Variants in IGDCC3 observed in about 807,000 individuals in gnomAD.
The protein encoded by IGDCC3 is immunoglobulin superfamily DCC subclass member 3.
A neutral mutation model predicts 72.0 loss-of-function variants in IGDCC3; 47 were observed. That is an observed-to-expected ratio of 0.65 (90% CI 0.52 to 0.83). The LOEUF (loss-of-function observed/expected upper bound fraction) is 0.83, where lower values mean the gene tolerates loss of function less well. Ranked by LOEUF, IGDCC3 falls within the 40% of genes least tolerant of loss-of-function variation. The probability of loss-of-function intolerance (pLI) is 0.00; values close to 1 mark genes in which losing one functional copy is unlikely to be tolerated. For synonymous variants in IGDCC3, 477 were observed against 472.8 expected (o/e 1.01, Z -0.11); for missense variants, 1,038 against 1,091.3 (o/e 0.95, Z 0.69).
intron 2 of IGDCC3, among the ~76,000 whole-genome samples, chr15:65,349,094 G>A (rs1409965929): frequency 2.0e-5 from 3 of 152,134 alleles, no homozygotes; most frequent in East Asian, 1.9e-4. Context: ...TACTCAGGGC[G>A]ACCATCTTGT....
intron 2 of IGDCC3, among the ~76,000 whole-genome samples, chr15:65,348,581 A>G (rs1384281490): frequency 6.6e-6 from 1 of 152,118 alleles, no homozygotes; most frequent in Non-Finnish European, 1.5e-5. Context: ...AAAGAATGGG[A>G]TGGGGTTAGT....
rs780104669 is a variant in IGDCC3 at position 65,335,383 on chromosome 15, C to T, written c.593G>A (p.Gly198Glu). The stretch of plus-strand genomic sequence containing the variant: ...GATGCCACCGTCCTCAGCTCGAAGT[C>T]CTGTGATCTGCAGGACCCCCTTGGG... Reference protein sequence around the residue: ...LLPKGVLQITGLRAEDGGIFH... With the variant: ...LLPKGVLQITELRAEDGGIFH... The change falls in exon 4 of 14, where the codon GGA becomes GAA. Residue 198 changes from glycine (G) to glutamate (E), a missense_variant. Gly to Glu is a moderately conservative substitution (Grantham distance 98). Transcript: ENST00000327987. The T allele has an allele frequency of 1.1e-5, 18 of 1,613,718 alleles. No individual in the cohort carries two copies. Among genetic ancestry groups the T allele is most frequent in the Non-Finnish European group, 1.5e-5 (18 of 1,179,832 alleles).
chr15:65,333,533 T>C, intron 5 of IGDCC3, 118 bp from the exon 6 acceptor site: 1 of 946,674 alleles, frequency 1.1e-6, no homozygotes, highest in Non-Finnish European at 1.5e-6. Context: ...GCCCCAGTCT[T>C]TGACTCTGCC....
chr15:65,343,508 T>G (rs2091100221), intron 2 of IGDCC3, among the ~76,000 whole-genome samples: 1 of 152,088 alleles, frequency 6.6e-6, no homozygotes. Flanking sequence ...AGACAAGCTG[T>G]CAGTTGGAAG....
chr15:65,333,356 A>T lies in IGDCC3; in HGVS notation c.883T>A (p.Ser295Thr). ...QVLGTGNLII[S>T]DVTVQHSGVY... ...CCAGAGTGCTGGACCGTCACGTCTG[A>T]GATGATGAGGTTTCCTGTGCCCAGC... Residue 295 changes from serine (S) to threonine (T), a missense_variant, in exon 6 of 14, where the codon TCA becomes ACA. Transcript: ENST00000327987. 1 of 1,612,456 alleles carries T rather than the reference A, an allele frequency of 6.2e-7. No individual in the cohort carries two copies. Among genetic ancestry groups the T allele is most frequent in the Non-Finnish European group, 8.5e-7 (1 of 1,179,288 alleles).
chr15:65,347,519 AG>A lies in IGDCC3; in HGVS notation c.410-11564del, dbSNP rs530434444. ...CCAGAGAAACTCCATCTTAAACACG[AG>A]TTGGGTGAAATGAGGCTGAAATCTA... On this transcript the variant is annotated intron_variant, in intron 2 of 13. Transcript: ENST00000327987. 2.1e-4 allele frequency among the ~76,000 whole-genome samples: 32 copies of A among 152,308 alleles called. 1 individual carries two copies. In the South Asian group the frequency reaches 6.4e-3, roughly 31 times the overall value.
rs1191224850 is a variant in IGDCC3 at position 65,328,332 on chromosome 15, T to C, written c.*577A>G. 1 of 75,888 alleles carries C rather than the reference T, an allele frequency of 1.3e-5. No individual in the cohort carries two copies. The highest frequency in any genetic ancestry group is 2.5e-5 in the Non-Finnish European group (1 of 39,654). The allele number at this position is 75,888 out of a possible 1,614,324, so 4.7% of individuals were successfully genotyped here. A position where few individuals can be genotyped will look rare whatever the true frequency, so the allele number is the denominator to read the frequency against. On this transcript the variant is annotated 3_prime_UTR_variant, in exon 14 of 14. Transcript: ENST00000327987. ...TTTTTTTTTTTACTCTGGACAACAG[T>C]GTGGGAAGGGAGAGGGGGTCCCCAG...
chr15:65,329,332 T>A lies in IGDCC3; in HGVS notation c.2205+58A>T. The A allele has an allele frequency of 2.0e-6, 3 of 1,522,360 alleles. No homozygotes were observed. Among genetic ancestry groups the A allele is most frequent in the Non-Finnish European group, 2.7e-6 (3 of 1,123,824 alleles). 94.3% of individuals were successfully genotyped at this position (1,522,360 alleles called of 1,614,324 possible). On this transcript the variant is annotated intron_variant, in intron 13 of 13. Transcript: ENST00000327987. This position sits in a 1 kb window ranked among gnomAD's most constrained non-coding sequence, Gnocchi z 4.1. ...TGGCCAAGGTGAAGGGGGGCAGGAT[T>A]GGAAGGTGGCAGTGTCAGAGCCTGA...
chr15:65,330,532 G>A lies in IGDCC3; in HGVS notation c.1753+18C>T, dbSNP rs145007058. 53 of 1,611,110 alleles carry A rather than the reference G, an allele frequency of 3.3e-5. No homozygotes were observed. The highest frequency in any genetic ancestry group is 6.7e-5 in the Admixed American group (4 of 59,984). On this transcript the variant is annotated intron_variant, in intron 10 of 13. Coordinates refer to ENST00000327987, the MANE Select transcript of IGDCC3 (RefSeq NM_004884.4). ...CACTCTGCCAAGCCCCCTAGGCTCT[G>A]GGCTGTGTCTGCCTCACCGAGCTGG...
rs1377535488 is a variant in IGDCC3, at chr15:65,339,699, T to C, written c.410-3743A>G. Among the ~76,000 whole-genome samples, 3 of 152,230 alleles carry C rather than the reference T, an allele frequency of 2.0e-5. No homozygotes were observed. The highest frequency in any genetic ancestry group is 1.5e-5 in the Non-Finnish European group (1 of 68,052). On this transcript the variant is annotated intron_variant, in intron 2 of 13. Transcript: ENST00000327987. This position sits in a 1 kb window ranked among gnomAD's most constrained non-coding sequence, Gnocchi z 4.1. Reference sequence around the variant, plus strand: ...GTCACCCTGCAGGCCACTGTGTTGCTGATGACAGTACAGACCAGCTAGTGT... The same window carrying C: ...GTCACCCTGCAGGCCACTGTGTTGCCGATGACAGTACAGACCAGCTAGTGT...
chr15:65,363,876 G>A (rs2091275324), intron 2 of IGDCC3, among the ~76,000 whole-genome samples: 1 of 152,172 alleles, frequency 6.6e-6, no homozygotes, highest in Admixed American at 6.5e-5. Flanking sequence ...TCTACCTCCA[G>A]CAGCCCCAGC....
Position 65,330,357 on chromosome 15 carries a change from G to A in IGDCC3, c.1794C>T (p.Asn598=). ...AVYEVKLLAY[N]QHGDGNATVR... ...CTGTGGCATTGCCATCTCCATGCTGGTTGTAGGCGAGCAGCTTCACCTCAT... is the reference window on the plus strand; with the variant it reads ...CTGTGGCATTGCCATCTCCATGCTGATTGTAGGCGAGCAGCTTCACCTCAT... The change falls in exon 11 of 14, where the codon AAC becomes AAT. Residue 598 remains asparagine, a synonymous_variant. Coordinates refer to ENST00000327987, the MANE Select transcript of IGDCC3 (RefSeq NM_004884.4). 6.8e-6 allele frequency: 11 copies of A among 1,614,084 alleles called. No individual in the cohort carries two copies. Among genetic ancestry groups the A allele is most frequent in the Non-Finnish European group, 9.3e-6 (11 of 1,179,978 alleles).
intron 6 of IGDCC3, 66 bp from the exon 7 acceptor site, chr15:65,332,172 G>A (rs2090984296): frequency 6.5e-7 from 1 of 1,540,706 alleles, no homozygotes; most frequent in African/African-American, 1.3e-5. Flanking sequence ...CATGAGGAAG[G>A]GAACAGGGGA....
At chr15:65,371,527 T>A (rs1346902749) in intron 2 of IGDCC3, among the ~76,000 whole-genome samples, 1 of 152,202 alleles carries the variant, frequency 6.6e-6, no homozygotes, top group Non-Finnish European at 1.5e-5. Context: ...CCAGCTGTAT[T>A]GGCATTACCT....
chr15:65,346,427 G>A (rs998336954), intron 2 of IGDCC3, among the ~76,000 whole-genome samples: 7 of 151,582 alleles, frequency 4.6e-5, no homozygotes, highest in Non-Finnish European at 4.4e-5. Context: ...TGCTAGTGGC[G>A]TCCATGGAGT....
chr15:65,351,532 T>TC (rs2091173618), intron 2 of IGDCC3, among the ~76,000 whole-genome samples: 1 of 93,360 alleles, frequency 1.1e-5, no homozygotes, highest in Admixed American at 1.1e-4. Context: ...AGACTCCGTC[T>TC]CAAAAAAAAA....
rs114687095 is a variant in IGDCC3 at position 65,372,970 on chromosome 15, C to T, written c.409+2127G>A. On this transcript the variant is annotated intron_variant, in intron 2 of 13. Transcript: ENST00000327987. ...CAGACTGCCAGAGCTTGGAGGCAAA[C>T]CCCCCAGCTGTCTCCAGGACCCCAA... is the stretch of plus-strand genomic sequence containing the variant. Among the ~76,000 whole-genome samples the T allele has an allele frequency of 6.5e-3, 991 of 152,248 alleles. 14 individuals carry two copies. Among genetic ancestry groups the T allele is most frequent in the African/African-American group, 0.023 (945 of 41,530 alleles).
At chr15:65,361,583 C>T (rs546759282) in intron 2 of IGDCC3, among the ~76,000 whole-genome samples, 1 of 152,042 alleles carries the variant, frequency 6.6e-6, no homozygotes. Context: ...GCGAGTTCCC[C>T]AGTTTCCAGA....
intron 2 of IGDCC3, among the ~76,000 whole-genome samples, chr15:65,372,522 C>A (rs2091332520): frequency 6.6e-6 from 1 of 152,152 alleles, no homozygotes. Context: ...GAAGGGCGTG[C>A]ATTTCCAACC....
Sources: gnomAD v4.1 joint callset for allele counts (sites outside exome capture counted in the v4.1 genomes callset) on GRCh38, gnomAD v4.1.1 for gene constraint, Gnocchi (gnomAD v3.1) non-coding constraint, MANE v1.5 for transcripts, NCBI Gene and HGNC (gene_info 2026-07-23, HGNC 2026-07-21) for gene names.